CLIP1: variants seen among roughly 807,000 people sequenced by gnomAD.
The protein encoded by CLIP1 is CAP-Gly domain-containing linker protein 1.
Under a neutral mutation model 161.6 loss-of-function variants are expected in CLIP1, and 66 were observed. The ratio of observed to expected loss-of-function variants is 0.41; its 90% CI spans 0.33 to 0.50. CLIP1 has a LOEUF of 0.50. Ranked by LOEUF, CLIP1 falls within the 20% of genes least tolerant of loss-of-function variation. CLIP1 has a pLI of 0.27. For synonymous variants in CLIP1, 598 were observed against 626.2 expected (o/e 0.96, Z 0.67); for missense variants, 1,376 against 1,702.0 (o/e 0.81, Z 3.37).
chr12:122,375,474 G>A (rs1177387964), intron 3 of CLIP1, among the ~76,000 whole-genome samples: 3 of 152,080 alleles, frequency 2.0e-5, no homozygotes, highest in South Asian at 4.1e-4. Context: ...GTGCCACTGA[G>A]CTCAGCTAAT....
rs368258071 is a variant in CLIP1, at chr12:122,373,274, G to T, written c.657+4115C>A. Among the ~76,000 whole-genome samples, 12 of 151,770 alleles carry T rather than the reference G, an allele frequency of 7.9e-5. No homozygotes were observed. In the South Asian group the frequency reaches 2.1e-3, roughly 26 times the overall value. On this transcript the variant is annotated intron_variant, in intron 3 of 25. Transcript: ENST00000620786. ...ACCCCATCTCTACTAAAAATACAAA[G>T]AATTAGCCAGGTGTGGTGGCGCACG... is the stretch of plus-strand genomic sequence containing the variant.
chr12:122,329,529 C>T (rs1049533396), intron 15 of CLIP1, among the ~76,000 whole-genome samples: 9 of 151,590 alleles, frequency 5.9e-5, no homozygotes, highest in African/African-American at 1.9e-4. Flanking sequence ...ACTCTGGAGG[C>T]TGAGGCAAGA....
At chr12:122,369,035 T>C (rs373299077) in intron 3 of CLIP1, among the ~76,000 whole-genome samples, 1 of 152,078 alleles carries the variant, frequency 6.6e-6, no homozygotes, top group Admixed American at 6.5e-5. Context: ...TTCCTTCTTT[T>C]TGAGACGGAG....
intron 1 of CLIP1, among the ~76,000 whole-genome samples, chr12:122,401,636 C>T (rs955200274): frequency 6.6e-6 from 1 of 151,786 alleles, no homozygotes; most frequent in African/African-American, 2.4e-5. Context: ...CCATTGTACT[C>T]CAAGAAAGTA....
At chr12:122,378,092 G>T (rs1954831827) in intron 2 of CLIP1, 132 bp from the exon 3 acceptor site, 2 of 789,158 alleles carry the variant, frequency 2.5e-6, no homozygotes, top group Non-Finnish European at 4.0e-6. Flanking sequence ...TTAAAGTGTG[G>T]TTTTTTGTTC....
intron 10 of CLIP1, 183 bp from the exon 11 acceptor site, chr12:122,341,880 T>C (rs1421332240): frequency 2.0e-5 from 8 of 396,310 alleles, no homozygotes; most frequent in Non-Finnish European, 3.5e-5. Flanking sequence ...ACCTCCTGGG[T>C]TCAGGCGATT....
rs866474501 is a variant in CLIP1, at chr12:122,296,392, G to A, written c.3595-7851C>T. Among the ~76,000 whole-genome samples, 4 of 152,174 alleles carry A rather than the reference G, an allele frequency of 2.6e-5. No individual in the cohort carries two copies. The South Asian group carries it at 8.3e-4, about 32-fold the overall frequency. ...TTTGAGAAAAAGAAAGCAAGTTGGA[G>A]TAATATGTACAATATGGCTTTTGTA... On this transcript the variant is annotated intron_variant, in intron 20 of 25. Coordinates refer to ENST00000620786, the MANE Select transcript of CLIP1 (RefSeq NM_001247997.2).
chr12:122,364,084 T>G lies in CLIP1; in HGVS notation c.681A>C (p.Val227=). 3 of 1,614,176 alleles carry G rather than the reference T, an allele frequency of 1.9e-6. No individual in the cohort carries two copies. The highest frequency in any genetic ancestry group is 2.5e-6 in the Non-Finnish European group (3 of 1,180,044). Residue 227 remains valine, a synonymous_variant, in exon 4 of 26, where the codon GTA becomes GTC. Coordinates refer to ENST00000620786, the MANE Select transcript of CLIP1 (RefSeq NM_001247997.2). ...RVLVGGTKAG[V]VRFLGETDFA... ...AGTCGGTCTCCCCAAGAAACCGGACTACACCAGCCTTAGTGCCACCAACCT... is the reference window on the plus strand; with the variant it reads ...AGTCGGTCTCCCCAAGAAACCGGACGACACCAGCCTTAGTGCCACCAACCT...
chr12:122,379,348 T>C (rs569005853), intron 2 of CLIP1, among the ~76,000 whole-genome samples: 9 of 150,646 alleles, frequency 6.0e-5, no homozygotes, highest in African/African-American at 1.7e-4. Context: ...GCATGGTGGC[T>C]CATGCCTGTA....
chr12:122,332,508 C>T (rs1284269608), intron 15 of CLIP1, among the ~76,000 whole-genome samples: 13 of 152,038 alleles, frequency 8.6e-5, no homozygotes, highest in African/African-American at 2.4e-5. Context: ...GCAACCTCCA[C>T]CTCCTGGGTT....
At chr12:122,378,047 C>T in intron 2 of CLIP1, 87 bp from the exon 3 acceptor site, 1 of 1,156,048 alleles carries the variant, frequency 8.7e-7, no homozygotes, top group South Asian at 1.5e-5. Flanking sequence ...AGCCAACAGC[C>T]CACAGGAGTA....
At chr12:122,350,248 G>A (rs2136431793) in intron 9 of CLIP1, among the ~76,000 whole-genome samples, 1 of 152,200 alleles carries the variant, frequency 6.6e-6, no homozygotes, top group South Asian at 2.1e-4. Flanking sequence ...CCAGGAGGTG[G>A]TAGGAAGTAA....
chr12:122,286,691 T>G (rs1223566986), intron 21 of CLIP1, among the ~76,000 whole-genome samples: 3 of 151,012 alleles, frequency 2.0e-5, no homozygotes, highest in African/African-American at 7.3e-5. Context: ...TAACAAGACC[T>G]TGTCACTATA....
At position 122,310,458 on chromosome 12, in the gene CLIP1, CAGGTGTTTTATTTTAT is replaced by C. The variant is rs540755852; in HGVS notation, c.3474-592_3474-577del. On this transcript the variant is annotated intron_variant, in intron 19 of 25. Transcript: ENST00000620786. Reference sequence around the variant, plus strand: ...GAAATATAGTTTCCTAATTACATAACAGGTGTTTTATTTTATAGTAGTCTTTCCACAATGCTAATTT... The same window carrying C: ...GAAATATAGTTTCCTAATTACATAACAGTAGTCTTTCCACAATGCTAATTT... Among the ~76,000 whole-genome samples, 11 of 152,258 alleles carry C rather than the reference CAGGTGTTTTATTTTAT, an allele frequency of 7.2e-5. No individual in the cohort carries two copies. In the South Asian group the frequency reaches 2.3e-3, roughly 32 times the overall value.
At chr12:122,404,727 C>A (rs1365082436) in intron 1 of CLIP1, among the ~76,000 whole-genome samples, 1 of 151,056 alleles carries the variant, frequency 6.6e-6, no homozygotes, top group Non-Finnish European at 1.5e-5. Context: ...GAAACCCTGT[C>A]TCTAATAAAA....
rs1230615469 is a variant in CLIP1 at position 122,354,445 on chromosome 12, G to A, written c.1307+8C>T. The A allele has an allele frequency of 1.2e-6, 2 of 1,608,790 alleles. No homozygotes were observed. Among genetic ancestry groups the A allele is most frequent in the Admixed American group, 1.7e-5 (1 of 59,972 alleles). The stretch of plus-strand genomic sequence containing the variant: ...CCACACTTGCACCAGGAAACAGTCT[G>A]GGGTCACCTTTTCTCCTCTTCAAGC... On this transcript the variant is annotated splice_region_variant and intron_variant, in intron 7 of 25. Coordinates refer to ENST00000620786, the MANE Select transcript of CLIP1 (RefSeq NM_001247997.2).
At chr12:122,373,053 C>G (rs575137633) in intron 3 of CLIP1, among the ~76,000 whole-genome samples, 1 of 152,272 alleles carries the variant, frequency 6.6e-6, no homozygotes, top group African/African-American at 2.4e-5. Flanking sequence ...TCACAAAACA[C>G]CACTAAAGAA....
intron 19 of CLIP1, among the ~76,000 whole-genome samples, chr12:122,313,571 A>G (rs1951146793): frequency 6.6e-6 from 1 of 152,064 alleles, no homozygotes; most frequent in African/African-American, 2.4e-5. Flanking sequence ...TACTAAAAAT[A>G]CAAAATTAGC....
Position 122,422,661 on chromosome 12 carries a change from G to C in CLIP1, c.-247C>G, listed in dbSNP as rs1048505755. The stretch of plus-strand genomic sequence containing the variant: ...CCGCCGCCGCCGCGGGGCCGGGCGG[G>C]CGCGCGCTGCCAGGAGAAGACGCCG... On this transcript the variant is annotated 5_prime_UTR_variant, in exon 1 of 26. Coordinates refer to ENST00000620786, the MANE Select transcript of CLIP1 (RefSeq NM_001247997.2). 2 of 144,808 alleles carry C rather than the reference G, an allele frequency of 1.4e-5. No individual in the cohort carries two copies. Among genetic ancestry groups the C allele is most frequent in the Non-Finnish European group, 3.1e-5 (2 of 65,186 alleles). The allele number at this position is 144,808 out of a possible 1,614,324, so 9.0% of individuals were successfully genotyped here.
Sources: allele counts gnomAD v4.1 joint callset (sites outside exome capture counted in the v4.1 genomes callset), GRCh38; gene constraint gnomAD v4.1.1; transcripts MANE v1.5; gene names NCBI Gene and HGNC (gene_info 2026-07-23, HGNC 2026-07-21).